Variants in NMRAL1 observed in about 807,000 individuals in gnomAD.
The protein encoded by NMRAL1 is NmrA like redox sensor 1.
Under a neutral mutation model 27.5 loss-of-function variants are expected in NMRAL1, and 32 were observed. That is an observed-to-expected ratio of 1.16 (90% CI 0.88 to 1.56). The LOEUF (loss-of-function observed/expected upper bound fraction) is 1.56, where lower values mean the gene tolerates loss of function less well. NMRAL1 is among the 40% of genes most tolerant of loss of function. NMRAL1 has a pLI of 0.00. For missense variants in NMRAL1, 420 were observed against 392.0 expected (o/e 1.07, Z -0.60); for synonymous variants, 166 against 166.8 (o/e 1.00, Z 0.04).
rs1214816278 is a variant in NMRAL1, at chr16:4,469,302, G to T, written c.204C>A (p.Ala68=). 1.2e-6 allele frequency: 2 copies of T among 1,614,128 alleles called. No homozygotes were observed. The highest frequency in any genetic ancestry group is 2.7e-5 in the African/African-American group (2 of 75,034). Reference sequence around the variant, plus strand: ...TGAAGGTGGCGTAAGCCCCATTCAGGGCCAGCTCCATGATGACCTGGTCAT... The same window carrying T: ...TGAAGGTGGCGTAAGCCCCATTCAGTGCCAGCTCCATGATGACCTGGTCAT... ...DQDDQVIMEL[A]LNGAYATFIV... The change falls in exon 3 of 6, where the codon GCC becomes GCA. Residue 68 remains alanine (A), a synonymous_variant. Transcript: ENST00000283429.
In NMRAL1 at chr16:4,463,832, AC is replaced by A; in HGVS notation, c.547del (p.Val183PhefsTer19). 6.2e-7 allele frequency: 1 copy of A among 1,613,532 alleles called. No homozygotes were observed. Among genetic ancestry groups the A allele is most frequent in the Non-Finnish European group, 8.5e-7 (1 of 1,179,696 alleles). On this transcript the variant is annotated frameshift_variant, in exon 5 of 6. Coordinates refer to ENST00000283429, the MANE Select transcript of NMRAL1 (RefSeq NM_020677.6). LOFTEE classifies it high-confidence loss of function. ...AGACACGGACATGCCATCCATGGGAACGTCACCTGTGGGCAAGCCTGTGGGG... is the reference window on the plus strand; with the variant it reads ...AGACACGGACATGCCATCCATGGGAAGTCACCTGTGGGCAAGCCTGTGGGG... ...SYLLSLPTGD[V>X]PMDGMSVSDL...
chr16:4,464,857 C>T (rs1567348217), intron 4 of NMRAL1, among the ~76,000 whole-genome samples: 1 of 151,850 alleles, frequency 6.6e-6, no homozygotes, highest in African/African-American at 2.4e-5. Flanking sequence ...ACCTCGTGAT[C>T]CGCCCTCCTC....
rs1363850687 is a variant in NMRAL1, at chr16:4,466,373, G to A, written c.309C>T (p.Arg103=). 2 of 1,613,056 alleles carry A rather than the reference G, an allele frequency of 1.2e-6. No homozygotes were observed. Among genetic ancestry groups the A allele is most frequent in the Non-Finnish European group, 8.5e-7 (1 of 1,179,982 alleles). The change falls in exon 4 of 6, where the codon CGC becomes CGT. Residue 103 remains arginine (R), a synonymous_variant. Transcript: ENST00000283429. ...TGTAGACCACATAGTGGAGGCCCAG[G>A]CGCCTGGCCAGATCAGCGAGCAGCT... ...QGKLLADLAR[R]LGLHYVVYSG... is the part of the protein sequence containing the mutation.
rs551980779 is a variant in NMRAL1, at chr16:4,470,925, C to T, written c.41-1460G>A. 9.9e-4 allele frequency among the ~76,000 whole-genome samples: 142 copies of T among 143,708 alleles called. 1 individual carries two copies. The highest frequency in any genetic ancestry group is 3.5e-3 in the African/African-American group (138 of 38,982). 94.3% of individuals were successfully genotyped at this position (143,708 alleles called of 152,430 possible). ...TCGCGCCACTGCACTCCAGCCTGGACGACAGAGCAAGACTCCGTCTCAAAA... is the reference window on the plus strand; with the variant it reads ...TCGCGCCACTGCACTCCAGCCTGGATGACAGAGCAAGACTCCGTCTCAAAA... On this transcript the variant is annotated intron_variant, in intron 2 of 5. Transcript: ENST00000283429.
rs750923102 is a variant in NMRAL1 at position 4,466,298 on chromosome 16, C to T, written c.384G>A (p.Ala128=). 493 of 1,614,032 alleles carry T rather than the reference C, an allele frequency of 3.1e-4. 1 individual carries two copies. The highest frequency in any genetic ancestry group is 4.0e-4 in the Non-Finnish European group (472 of 1,180,040). Residue 128 remains alanine, a synonymous_variant, in exon 4 of 6, where the codon GCG becomes GCA. Coordinates refer to ENST00000283429, the MANE Select transcript of NMRAL1 (RefSeq NM_020677.6). ...CCACCTCCCCTTTGCCGTCAAAGTG[C>T]GCGGCGGCCAATCTCCCTGCCGTCA... is the stretch of plus-strand genomic sequence containing the variant. ...KKLTAGRLAA[A]HFDGKGEVEE... is the part of the protein sequence containing the mutation.
chr16:4,466,768 C>A, intron 3 of NMRAL1: 1 of 272,352 alleles, frequency 3.7e-6, no homozygotes, highest in Admixed American at 4.8e-5. Context: ...TTGGAGAGCC[C>A]TGGGAGGCTA....
rs780707564 is a variant in NMRAL1, at chr16:4,463,774, C to T, written c.606G>A (p.Lys202=). Residue 202 remains lysine, a synonymous_variant, in exon 5 of 6, where the codon AAG becomes AAA. Coordinates refer to ENST00000283429, the MANE Select transcript of NMRAL1 (RefSeq NM_020677.6). ...TCTGGCCGACGTATTTTTCTGGCAT[C>T]TTCAAAAGGCTGAGCACCACAGGAC... ...DLGPVVLSLL[K]MPEKYVGQNI... is the part of the protein sequence containing the mutation. 3 of 1,614,018 alleles carry T rather than the reference C, an allele frequency of 1.9e-6. No individual in the cohort carries two copies. The East Asian group carries it at 6.7e-5, about 36-fold the overall frequency.
intron 2 of NMRAL1, among the ~76,000 whole-genome samples, chr16:4,473,782 C>T (rs1468588192): frequency 6.6e-6 from 1 of 151,974 alleles, no homozygotes; most frequent in Non-Finnish European, 1.5e-5. Context: ...AAAAATTAGC[C>T]GGGCGTGGTG....
At chr16:4,462,509 T>G (rs1340769956) in intron 5 of NMRAL1, among the ~76,000 whole-genome samples, 1 of 152,060 alleles carries the variant, frequency 6.6e-6, no homozygotes, top group Non-Finnish European at 1.5e-5. Flanking sequence ...ACTATTATTT[T>G]CAGATCATGA....
At chr16:4,475,410 T>G (rs2057792249), upstream of NMRAL1, among the ~76,000 whole-genome samples, 1 of 149,976 alleles carries the variant, frequency 6.7e-6, no homozygotes, top group Admixed American at 6.6e-5. Flanking sequence ...TGGGTTCAAG[T>G]GATTCTCCTG....
intron 4 of NMRAL1, among the ~76,000 whole-genome samples, chr16:4,465,032 C>G: frequency 6.6e-6 from 1 of 152,204 alleles, no homozygotes; most frequent in Middle Eastern, 3.4e-3. Flanking sequence ...CTCAGCCTCC[C>G]GAGTAGCTGG....
intron 4 of NMRAL1, chr16:4,464,064 C>G: frequency 1.8e-6 from 1 of 546,888 alleles, no homozygotes; most frequent in South Asian, 2.5e-5. Context: ...GTACTGCCAC[C>G]TAGGGCAGGC....
In NMRAL1 at chr16:4,469,224, C is replaced by T. The variant is rs202152824; in HGVS notation, c.279+3G>A. ...CCTCCCTGCAGCTCCTGCCTGCCCT[C>T]ACCTGCTTGACCTCCTGCTCCTGGC... is the stretch of plus-strand genomic sequence containing the variant. On this transcript the variant is annotated splice_donor_region_variant and intron_variant, in intron 3 of 5. Transcript: ENST00000283429. 1.9e-6 allele frequency: 3 copies of T among 1,609,586 alleles called. No individual in the cohort carries two copies. The highest frequency in any genetic ancestry group is 4.5e-5 in the East Asian group (2 of 44,854).
At chr16:4,468,231 G>A (rs1272646494) in intron 3 of NMRAL1, among the ~76,000 whole-genome samples, 1 of 152,190 alleles carries the variant, frequency 6.6e-6, no homozygotes, top group Admixed American at 6.5e-5. Context: ...GAACCCAGGA[G>A]GCGGAGGTTG....
intron 2 of NMRAL1, among the ~76,000 whole-genome samples, chr16:4,471,022 G>C (rs2057546379): frequency 6.6e-6 from 1 of 151,408 alleles, no homozygotes; most frequent in Non-Finnish European, 1.5e-5. Context: ...CAGGAGAATC[G>C]CTTGAACCAG....
chr16:4,474,006 T>C (rs937023046), intron 2 of NMRAL1, 87 bp downstream of exon 2: 3 of 1,048,082 alleles, frequency 2.9e-6, no homozygotes, highest in Non-Finnish European at 4.4e-6. Flanking sequence ...CCAGTGACCT[T>C]ACCCCTCCCT....
chr16:4,464,064 C>CT, intron 4 of NMRAL1: 1 of 546,888 alleles, frequency 1.8e-6, no homozygotes, highest in Non-Finnish European at 3.2e-6. Context: ...GTACTGCCAC[C>CT]TAGGGCAGGC....
rs367849017 is a variant in NMRAL1 at position 4,466,304 on chromosome 16, G to A, written c.378C>T (p.Ala126=). Residue 126 remains alanine, a synonymous_variant, in exon 4 of 6, where the codon GCC becomes GCT. Coordinates refer to ENST00000283429, the MANE Select transcript of NMRAL1 (RefSeq NM_020677.6). ...CCCCTTTGCCGTCAAAGTGCGCGGC[G>A]GCCAATCTCCCTGCCGTCAGCTTCT... ...NIKKLTAGRL[A]AAHFDGKGEV... 67 of 1,613,988 alleles carry A rather than the reference G, an allele frequency of 4.2e-5. No homozygotes were observed. The highest frequency in any genetic ancestry group is 4.1e-4 in the African/African-American group (31 of 75,008).
chr16:4,461,892 A>T lies in NMRAL1; in HGVS notation c.788T>A (p.Phe263Tyr), dbSNP rs746341030. 3.7e-6 allele frequency: 6 copies of T among 1,614,216 alleles called. No individual in the cohort carries two copies. The highest frequency in any genetic ancestry group is 1.7e-5 in the Admixed American group (1 of 60,030). The change falls in exon 6 of 6, where the codon TTC becomes TAC. Residue 263 changes from phenylalanine to tyrosine, a missense_variant. Coordinates refer to ENST00000283429, the MANE Select transcript of NMRAL1 (RefSeq NM_020677.6). ...GARDLANMFR[F>Y]YALRPDRDIE... is the part of the protein sequence containing the mutation. ...GTCACGGTCGGGTCTCAGGGCATAG[A>T]AACGGAACATGTTGGCCAGGTCCCG...
Sources: gnomAD v4.1 joint callset for allele counts (sites outside exome capture counted in the v4.1 genomes callset) on GRCh38, gnomAD v4.1.1 for gene constraint, MANE v1.5 for transcripts, NCBI Gene and HGNC (gene_info 2026-07-23, HGNC 2026-07-21) for gene names.